DCAF6: variants seen among roughly 807,000 people sequenced by gnomAD.
DCAF6 encodes DDB1 and CUL4 associated factor 6.
DCAF6 carries 54 observed loss-of-function variants against 125.1 expected under a neutral mutation model. The ratio of observed to expected loss-of-function variants is 0.43; its 90% CI spans 0.35 to 0.54. The LOEUF (loss-of-function observed/expected upper bound fraction) is 0.54. Ranked by LOEUF, DCAF6 falls within the 20% of genes least tolerant of loss-of-function variation. The pLI is 0.01. For synonymous variants in DCAF6, 371 were observed against 390.4 expected, an observed-to-expected ratio of 0.95 and a Z score of 0.58; for missense variants, 934 against 1,161.7, an observed-to-expected ratio of 0.80 and a Z score of 2.85.
the DCAF6 span, chr1:167,901,700 T>C: frequency 6.2e-7 from 1 of 1,614,212 alleles, no homozygotes; most frequent in Non-Finnish European, 8.5e-7. Context: ...TTCCCACTCC[T>C]GGGTCTCAAA....
chr1:167,882,417 G>A, the DCAF6 span, among the ~76,000 whole-genome samples: 2 of 150,724 alleles, frequency 1.3e-5, no homozygotes, highest in Admixed American at 6.6e-5. Flanking sequence ...CCCGGGAGGC[G>A]GAGGTTTCAG....
chr1:168,047,737 A>C (rs1213998244), intron 16 of DCAF6, among the ~76,000 whole-genome samples: 3 of 152,076 alleles, frequency 2.0e-5, no homozygotes, highest in Non-Finnish European at 4.4e-5. Context: ...AAAGATGTGT[A>C]TACTGAGGTA....
At chr1:167,941,811 A>C (rs374605312) in intron 1 of DCAF6, among the ~76,000 whole-genome samples, 14 of 152,328 alleles carry the variant, frequency 9.2e-5, no homozygotes, top group East Asian at 7.7e-4. Context: ...TACATCTTGG[A>C]CAAAATAACT....
chr1:167,993,355 C>T lies in DCAF6; in HGVS notation c.818C>T (p.Ser273Phe). Residue 273 changes from serine to phenylalanine, a missense_variant, in exon 7 of 22, where the codon TCT (serine) becomes TTT (phenylalanine). By Grantham distance (155) the Ser-to-Phe change is radical. Coordinates refer to ENST00000367840, the MANE Select transcript of DCAF6 (RefSeq NM_001198956.2). ...GGTCAAGAGATTCTCGTTAGTTACT[C>T]TTCAGATTACATATATCTTTTTGAC... The part of the protein sequence containing the change: ...EDGQEILVSY[S>F]SDYIYLFDPK... 6.2e-7 allele frequency: 1 copy of T among 1,613,920 alleles called. No individual in the cohort carries two copies. Among genetic ancestry groups the T allele is most frequent in the Non-Finnish European group, 8.5e-7 (1 of 1,179,822 alleles).
Position 168,008,375 on chromosome 1 carries a change from T to A in DCAF6, c.1378+3582T>A, listed in dbSNP as rs141746483. Among the ~76,000 whole-genome samples the A allele has an allele frequency of 1.6e-4, 24 of 152,318 alleles. 1 individual carries two copies. In the East Asian group the frequency reaches 4.4e-3, roughly 28 times the overall value. On this transcript the variant is annotated intron_variant, in intron 10 of 21. Transcript: ENST00000367840. The stretch of plus-strand genomic sequence containing the variant: ...TTCTTGGTCCATTTGCTTATTTGAA[T>A]AACCTGTGAGTTTTTCTTGATTCCT...
intron 17 of DCAF6, chr1:168,056,327 C>G: frequency 6.2e-7 from 1 of 1,601,366 alleles, no homozygotes; most frequent in Non-Finnish European, 8.5e-7. Context: ...CCACCCCCAG[C>G]TGCCAGGGCC....
the DCAF6 span, among the ~76,000 whole-genome samples, chr1:167,887,806 C>A: frequency 6.6e-6 from 1 of 151,242 alleles, no homozygotes. Flanking sequence ...GATGTTATCC[C>A]ATCTGTCCAT....
the DCAF6 span, among the ~76,000 whole-genome samples, chr1:167,927,385 G>A: frequency 6.6e-6 from 1 of 152,126 alleles, no homozygotes; most frequent in Non-Finnish European, 1.5e-5. Flanking sequence ...CATTACACCT[G>A]GTTCATTTTT....
the DCAF6 span, chr1:167,875,311 C>T: frequency 6.2e-6 from 6 of 974,060 alleles, no homozygotes; most frequent in East Asian, 5.1e-5. Flanking sequence ...TATCCCCTGA[C>T]TCACGGGTCG....
chr1:167,935,826 C>A, upstream of DCAF6: 3 of 1,552,228 alleles, frequency 1.9e-6, no homozygotes, highest in Non-Finnish European at 2.6e-6. Context: ...AGGCCTCGGG[C>A]ACCGGCGGCC....
intron 3 of DCAF6, among the ~76,000 whole-genome samples, 160 bp from the exon 4 acceptor site, chr1:167,974,670 A>G (rs1313969022): frequency 2.6e-5 from 4 of 152,144 alleles, no homozygotes; most frequent in Non-Finnish European, 5.9e-5. Flanking sequence ...AATATATGGG[A>G]TTCTGATTTT....
the DCAF6 span, among the ~76,000 whole-genome samples, chr1:167,891,958 T>A: frequency 1.3e-5 from 2 of 151,564 alleles, no homozygotes; most frequent in Non-Finnish European, 2.9e-5. Flanking sequence ...TTAACCAATG[T>A]GCTAATTTTT....
At chr1:167,983,085 G>A (rs1354335543) in intron 4 of DCAF6, among the ~76,000 whole-genome samples, 3 of 152,198 alleles carry the variant, frequency 2.0e-5, no homozygotes, top group African/African-American at 7.2e-5. Context: ...ATGGTTTGCA[G>A]TCAAGTAATG....
At chr1:167,940,357 T>G (rs1005290956) in intron 1 of DCAF6, among the ~76,000 whole-genome samples, 31 of 152,206 alleles carry the variant, frequency 2.0e-4, no homozygotes, top group Non-Finnish European at 3.7e-4. Flanking sequence ...AATTTCAATG[T>G]AGGATTCTTT....
At chr1:167,884,699 T>A in the DCAF6 span, among the ~76,000 whole-genome samples, 1 of 147,198 alleles carries the variant, frequency 6.8e-6, no homozygotes, top group African/African-American at 2.5e-5. Flanking sequence ...TTTTAATTTT[T>A]TTTTTTTTTT....
intron 3 of DCAF6, among the ~76,000 whole-genome samples, chr1:167,968,978 G>A (rs868369286): frequency 3.3e-5 from 5 of 152,074 alleles, no homozygotes; most frequent in African/African-American, 1.2e-4. Flanking sequence ...GTCTTTGAAT[G>A]AAGAAGAGTT....
intron 16 of DCAF6, among the ~76,000 whole-genome samples, chr1:168,049,715 GGGC>G (rs924661083): frequency 2.1e-5 from 3 of 139,612 alleles, no homozygotes; most frequent in African/African-American, 8.2e-5. Context: ...GAGTGCAGTG[GGGC>G]AATCTTGGCT....
chr1:167,935,701 G>A (rs752004373), upstream of DCAF6: 23 of 1,525,068 alleles, frequency 1.5e-5, no homozygotes, highest in African/African-American at 2.8e-5. Context: ...GAGAAGGAAG[G>A]TCTCGATAAG....
At chr1:168,009,450 CTG>C (rs200744444) in intron 10 of DCAF6, among the ~76,000 whole-genome samples, 104 of 66,550 alleles carry the variant, frequency 1.6e-3, no homozygotes, top group South Asian at 1.9e-3. Context: ...TTCTTTCTTT[CTG>C]TCTCTCTCTC....
Sources: allele counts gnomAD v4.1 joint callset (sites outside exome capture counted in the v4.1 genomes callset), GRCh38; gene constraint gnomAD v4.1.1; transcripts MANE v1.5; gene names NCBI Gene and HGNC (gene_info 2026-07-23, HGNC 2026-07-21).